FRY: variants seen among roughly 807,000 people sequenced by gnomAD.
FRY encodes the protein protein furry homolog.
In FRY, 128 loss-of-function variants were observed where a neutral mutation model predicts 348.4. That is an observed-to-expected ratio of 0.37 (90% confidence interval 0.32 to 0.43). The LOEUF is 0.43. Ranked by LOEUF, FRY falls within the 20% of genes least tolerant of loss-of-function variation. FRY has a pLI of 1.00. For synonymous variants in FRY, 1,370 were observed against 1,374.7 expected (o/e 1.00, Z 0.08); for missense variants, 2,736 against 3,695.2 (o/e 0.74, Z 6.73).
Position 32,289,767 on chromosome 13 carries a change from C to A in FRY, c.8580+24C>A, listed in dbSNP as rs1412014253. On this transcript the variant is annotated intron_variant, in intron 59 of 60. Transcript: ENST00000542859. The stretch of plus-strand genomic sequence containing the variant: ...AGGTGAGTCCACACGCTTCCCAACC[C>A]CACGTCCCACCACAAAAACCATTTC... 5.2e-6 allele frequency: 6 copies of A among 1,156,646 alleles called. No individual in the cohort carries two copies. The Admixed American group carries it at 6.7e-5, about 13-fold the overall frequency. The allele number at this position is 1,156,646 out of a possible 1,614,324, so 71.6% of individuals were successfully genotyped here.
chr13:32,222,438 C>T (rs1009062954), intron 36 of FRY, among the ~76,000 whole-genome samples: 1 of 152,172 alleles, frequency 6.6e-6, no homozygotes, highest in Non-Finnish European at 1.5e-5. Flanking sequence ...CTGTGGAACA[C>T]AGACCTCAAG....
At chr13:32,124,572 T>G (rs1878909397) in intron 5 of FRY, 30 bp from the exon 6 acceptor site, 1 of 1,307,826 alleles carries the variant, frequency 7.6e-7, no homozygotes, top group Non-Finnish European at 1.1e-6. Flanking sequence ...AATATTCCCT[T>G]CTGAGTTAAG....
At chr13:32,060,093 T>C (rs1873856105) in intron 1 of FRY, among the ~76,000 whole-genome samples, 1 of 152,240 alleles carries the variant, frequency 6.6e-6, no homozygotes, top group South Asian at 2.1e-4. Flanking sequence ...AAACCTTCAA[T>C]TTACCCTGAG....
At position 32,209,686 on chromosome 13, in the gene FRY, G is replaced by C. The variant is rs747874678; in HGVS notation, c.4377G>C (p.Leu1459=). Residue 1459 remains leucine, a synonymous_variant, in exon 33 of 61, where the codon CTG becomes CTC. Coordinates refer to ENST00000542859, the MANE Select transcript of FRY (RefSeq NM_023037.3). ...ACCTGAGGATCACCTTGCAGTTCCT[G>C]ATTAGCCTCTGTGGGGTCAGCAGCG... ...SNNLRITLQF[L]ISLCGVSSDT... The C allele has an allele frequency of 6.2e-7, 1 of 1,614,120 alleles. No individual in the cohort carries two copies. Among genetic ancestry groups the C allele is most frequent in the Non-Finnish European group, 8.5e-7 (1 of 1,179,972 alleles).
Position 32,032,027 on chromosome 13 carries a change from C to CTTTCTTTCTTTCTTTCTT in FRY, c.70+166_70+183dup, listed in dbSNP as rs1566038102. 8.2e-3 allele frequency among the ~76,000 whole-genome samples: 584 copies of CTTTCTTTCTTTCTTTCTT among 71,608 alleles called. 9 individuals are homozygous for CTTTCTTTCTTTCTTTCTT. The highest frequency in any genetic ancestry group is 0.024 in the African/African-American group (559 of 23,486). 47.0% of individuals were successfully genotyped at this position (71,608 alleles called of 152,430 possible). On this transcript the variant is annotated intron_variant, in intron 1 of 60. Transcript: ENST00000542859. Reference sequence around the variant, plus strand: ...TTTCTTTCTTTCTTTCTTTCTTTTTCTTTCTTTCTTTCTTTCTTTTTTTGC... The same window carrying CTTTCTTTCTTTCTTTCTT: ...TTTCTTTCTTTCTTTCTTTCTTTTTCTTTCTTTCTTTCTTTCTTTTTCTTTCTTTCTTTCTTTTTTTGC...
chr13:32,186,275 T>A lies in FRY; in HGVS notation c.3335T>A (p.Phe1112Tyr). Residue 1112 changes from phenylalanine to tyrosine, a missense_variant, in exon 27 of 61, where the codon TTT becomes TAT. Physicochemically the swap from Phe to Tyr is conservative, Grantham distance 22. Coordinates refer to ENST00000542859, the MANE Select transcript of FRY (RefSeq NM_023037.3). ...IQCVPVHHRR[F>Y]LFPQQSLRHH... ...TTCTCCCTAGTTCACCACCGAAGATTTCTCTTCCCCCAGCAAAGTCTGAGG... is the reference window on the plus strand; with the variant it reads ...TTCTCCCTAGTTCACCACCGAAGATATCTCTTCCCCCAGCAAAGTCTGAGG... The A allele has an allele frequency of 6.2e-7, 1 of 1,613,600 alleles. No individual in the cohort carries two copies. The highest frequency in any genetic ancestry group is 1.1e-5 in the South Asian group (1 of 91,064).
In FRY at chr13:32,247,206, G is replaced by A. The variant is rs137857847; in HGVS notation, c.6829-117G>A. 2,091 of 779,664 alleles carry A rather than the reference G, an allele frequency of 2.7e-3. 28 individuals carry two copies. In the African/African-American group the frequency reaches 0.03, roughly 11 times the overall value. 48.3% of individuals were successfully genotyped at this position (779,664 alleles called of 1,614,324 possible). ...TTTTACTTCTCATGGAACCTGCTGC[G>A]CTGTTTTAAGTCAGTGAATTCTGAC... On this transcript the variant is annotated intron_variant, in intron 47 of 60. Coordinates refer to ENST00000542859, the MANE Select transcript of FRY (RefSeq NM_023037.3).
chr13:32,267,122 G>A (rs561103203), intron 54 of FRY, 48 bp from the exon 55 acceptor site: 7 of 1,523,532 alleles, frequency 4.6e-6, no homozygotes, highest in Non-Finnish European at 5.5e-6. Flanking sequence ...CCCAGTATAG[G>A]ATGAGAAGGA....
intron 7 of FRY, among the ~76,000 whole-genome samples, chr13:32,126,178 A>G (rs987187259): frequency 2.0e-5 from 3 of 152,218 alleles, no homozygotes; most frequent in African/African-American, 7.2e-5. Flanking sequence ...AAAGATTGGG[A>G]AAAATGAGGT....
chr13:32,097,068 T>A (rs896898339), intron 2 of FRY, among the ~76,000 whole-genome samples: 23 of 152,098 alleles, frequency 1.5e-4, no homozygotes, highest in African/African-American at 5.6e-4. Flanking sequence ...ATCTAATTTG[T>A]AGTGGGACAA....
chr13:32,210,230 A>G (rs1416032779), intron 33 of FRY, among the ~76,000 whole-genome samples: 1 of 152,210 alleles, frequency 6.6e-6, no homozygotes, highest in African/African-American at 2.4e-5. Context: ...GTTGGTATTT[A>G]AAAGTGATAG....
At chr13:32,130,846 G>A (rs896345515) in intron 7 of FRY, among the ~76,000 whole-genome samples, 2 of 145,638 alleles carry the variant, frequency 1.4e-5, no homozygotes, top group African/African-American at 2.5e-5. Context: ...ACAGAGTTTC[G>A]CTGTTGTTGC....
At chr13:32,138,992 G>T (rs943807502) in intron 11 of FRY, among the ~76,000 whole-genome samples, 1 of 152,134 alleles carries the variant, frequency 6.6e-6, no homozygotes, top group Non-Finnish European at 1.5e-5. Context: ...GAAAGGCAAT[G>T]ATGTCTTATT....
intron 4 of FRY, among the ~76,000 whole-genome samples, chr13:32,118,066 T>C (rs548113390): frequency 6.6e-6 from 1 of 152,258 alleles, no homozygotes; most frequent in South Asian, 2.1e-4. Flanking sequence ...TTCCTGTGGG[T>C]TTGAAAAATG....
Position 32,296,307 on chromosome 13 carries a change from C to T in FRY, c.*847C>T, listed in dbSNP as rs2072061737. On this transcript the variant is annotated 3_prime_UTR_variant, in exon 61 of 61. Transcript: ENST00000542859. ...TCACAAGATAAATTCCAAGTCTTTT[C>T]ACCTGTCAGGCATGCATATTTTAAT... The T allele has an allele frequency of 6.6e-6, 1 of 152,598 alleles. No individual in the cohort carries two copies. 9.5% of individuals were successfully genotyped at this position (152,598 alleles called of 1,614,324 possible). A position where few individuals can be genotyped will look rare whatever the true frequency, so the allele number is the denominator to read the frequency against.
Position 32,231,428 on chromosome 13 carries a change from G to A in FRY, c.5527+128G>A, listed in dbSNP as rs1385528554. ...CATCCATAGCACGAGCATATTCACA[G>A]GGGAGTTCTGAAGCTTGTTCAGATG... is the stretch of plus-strand genomic sequence containing the variant. On this transcript the variant is annotated intron_variant, in intron 41 of 60. Transcript: ENST00000542859. 5.5e-6 allele frequency: 5 copies of A among 909,890 alleles called. No homozygotes were observed. The East Asian group carries it at 7.3e-5, about 13-fold the overall frequency. The allele number at this position is 909,890 out of a possible 1,614,324, so 56.4% of individuals were successfully genotyped here. A position where few individuals can be genotyped will look rare whatever the true frequency, so the allele number is the denominator to read the frequency against.
rs140251874 is a variant in FRY at position 32,209,240 on chromosome 13, T to C, written c.4275+131T>C. The C allele has an allele frequency of 4.1e-4, 425 of 1,046,054 alleles. 4 individuals are homozygous for C. In the Middle Eastern group the frequency reaches 9.1e-3, roughly 22 times the overall value. 64.8% of individuals were successfully genotyped at this position (1,046,054 alleles called of 1,614,324 possible). ...GACTGGGGATAAATAGTGGTGATGG[T>C]TGCACAGAAATATGAATGGACTTAA... On this transcript the variant is annotated intron_variant, in intron 32 of 60. Coordinates refer to ENST00000542859, the MANE Select transcript of FRY (RefSeq NM_023037.3).
intron 17 of FRY, among the ~76,000 whole-genome samples, chr13:32,169,684 G>A (rs1881945767): frequency 6.6e-6 from 1 of 152,002 alleles, no homozygotes; most frequent in Non-Finnish European, 1.5e-5. Flanking sequence ...ACTCTTGCAG[G>A]CACCTCACCC....
intron 1 of FRY, among the ~76,000 whole-genome samples, chr13:32,070,470 A>G (rs138218695): frequency 0.011 from 1,687 of 151,950 alleles, 39 homozygotes; most frequent in African/African-American, 0.039. Flanking sequence ...ATAACCAGTG[A>G]TGATGAGCAT....
Sources: gnomAD v4.1 joint callset for allele counts (sites outside exome capture counted in the v4.1 genomes callset) on GRCh38, gnomAD v4.1.1 for gene constraint, MANE v1.5 for transcripts, NCBI Gene and HGNC (gene_info 2026-07-23, HGNC 2026-07-21) for gene names.